Variants in BACE1 observed in about 807,000 individuals in gnomAD.
BACE1 encodes APP beta-secretase.
A neutral mutation model predicts 54.0 loss-of-function variants in BACE1; 21 were observed. The ratio of observed to expected loss-of-function variants is 0.39; its 90% CI spans 0.28 to 0.56. The LOEUF is 0.56. Ranked by LOEUF, BACE1 falls within the 20% of genes least tolerant of loss-of-function variation. The pLI is 0.63. For synonymous variants in BACE1, 232 were observed against 260.9 expected, an observed-to-expected ratio of 0.89 and a Z score of 1.07; for missense variants, 511 against 661.2, an observed-to-expected ratio of 0.77 and a Z score of 2.49.
rs967616225 is a variant in BACE1, at chr11:117,286,897, A to C, written c.*2669T>G. The C allele has an allele frequency of 1.3e-5, 2 of 152,662 alleles. No homozygotes were observed. Among genetic ancestry groups the C allele is most frequent in the Admixed American group, 1.3e-4 (2 of 15,278 alleles). 9.5% of individuals were successfully genotyped at this position (152,662 alleles called of 1,614,324 possible). A position where few individuals can be genotyped will look rare whatever the true frequency, so the allele number is the denominator to read the frequency against. ...TGAACAGGAAAGGTGGCAAAATGGA[A>C]GACCAGTTCTATTGTTCTTTTTGTT... is the stretch of plus-strand genomic sequence containing the variant. On this transcript the variant is annotated 3_prime_UTR_variant, in exon 9 of 9. Coordinates refer to ENST00000313005, the MANE Select transcript of BACE1 (RefSeq NM_012104.6).
intron 2 of BACE1, chr11:117,295,710 A>G: frequency 1.4e-6 from 2 of 1,474,674 alleles, no homozygotes; most frequent in South Asian, 2.7e-5. Context: ...AAGCTCCCCG[A>G]GAAAAGGAAC....
intron 1 of BACE1, among the ~76,000 whole-genome samples, chr11:117,298,422 G>A (rs575577611): frequency 2.8e-4 from 43 of 152,242 alleles, no homozygotes; most frequent in Admixed American, 8.5e-4. Context: ...TCTCTCTACC[G>A]TCACATCACC....
chr11:117,290,694 TC>T (rs2034400697), intron 7 of BACE1, 35 bp from the exon 8 acceptor site: 1 of 1,607,488 alleles, frequency 6.2e-7, no homozygotes, highest in Admixed American at 1.7e-5. Flanking sequence ...AGTGTCTTCC[TC>T]ACTCTCCTTC....
chr11:117,291,278 G>GTTT (rs61070756), intron 6 of BACE1, among the ~76,000 whole-genome samples: 2 of 141,576 alleles, frequency 1.4e-5, no homozygotes, highest in African/African-American at 2.6e-5. Flanking sequence ...AAGGGGAAGA[G>GTTT]TTTTTTTTTT....
chr11:117,290,078 C>G (rs1255820596), intron 8 of BACE1, among the ~76,000 whole-genome samples: 1 of 151,602 alleles, frequency 6.6e-6, no homozygotes, highest in Non-Finnish European at 1.5e-5. Context: ...CAAAAGCCAC[C>G]CCCTTGACCA....
At chr11:117,300,470 G>C (rs372461669) in intron 1 of BACE1, among the ~76,000 whole-genome samples, 12 of 152,180 alleles carry the variant, frequency 7.9e-5, no homozygotes, top group African/African-American at 2.2e-4. Flanking sequence ...GGATGGGGGG[G>C]GCTCTTAACA....
chr11:117,293,256 G>A lies in BACE1; in HGVS notation c.706-68C>T. On this transcript the variant is annotated intron_variant, in intron 4 of 8. Transcript: ENST00000313005. The surrounding 1 kb of genome is among the most constrained non-coding windows in gnomAD (Gnocchi z 4.1). ...GGAGAGTGAGTCCCCCAAGGACCAA[G>A]CAATAAGATCAGTGATTTCTTGGGG... is the stretch of plus-strand genomic sequence containing the variant. 1 of 1,545,208 alleles carries A rather than the reference G, an allele frequency of 6.5e-7. No homozygotes were observed. Among genetic ancestry groups the A allele is most frequent in the Non-Finnish European group, 8.8e-7 (1 of 1,139,834 alleles).
intron 1 of BACE1, chr11:117,299,528 C>T: frequency 3.4e-6 from 1 of 290,878 alleles, no homozygotes; most frequent in South Asian, 2.7e-5. Flanking sequence ...TCCTGGCCTC[C>T]TCACATCCCC....
At chr11:117,292,974 C>G in intron 5 of BACE1, 80 bp downstream of exon 5, 2 of 1,538,286 alleles carry the variant, frequency 1.3e-6, no homozygotes, top group Non-Finnish European at 1.8e-6. Flanking sequence ...CCTCATCCTC[C>G]CAACATGATA....
chr11:117,302,699 A>G (rs2034751390), intron 1 of BACE1, among the ~76,000 whole-genome samples: 1 of 152,210 alleles, frequency 6.6e-6, no homozygotes, highest in African/African-American at 2.4e-5. Flanking sequence ...CCTGGCCAAC[A>G]TGGTGAAACT....
chr11:117,293,078 C>G lies in BACE1; in HGVS notation c.816G>C (p.Gln272His), dbSNP rs140050693. The G allele has an allele frequency of 3.7e-6, 6 of 1,613,934 alleles. No individual in the cohort carries two copies. Among genetic ancestry groups the G allele is most frequent in the African/African-American group, 1.3e-5 (1 of 74,908 alleles). The change falls in exon 5 of 9, where the codon CAG (glutamine) becomes CAC (histidine). Residue 272 changes from glutamine to histidine, a missense_variant. Physicochemically the swap from Gln to His is conservative, Grantham distance 24. Transcript: ENST00000313005. This position sits in a 1 kb window ranked among gnomAD's most constrained non-coding sequence, Gnocchi z 4.1. Reference sequence around the variant, plus strand: ...CCTCCTTGCAGTCCATTTTCAGATCCTGTCCATTGATCTCCACCCGCACAA... The same window carrying G: ...CCTCCTTGCAGTCCATTTTCAGATCGTGTCCATTGATCTCCACCCGCACAA... ...VIIVRVEING[Q>H]DLKMDCKEYN...
At chr11:117,298,293 C>G (rs1449065569) in intron 1 of BACE1, among the ~76,000 whole-genome samples, 1 of 151,708 alleles carries the variant, frequency 6.6e-6, no homozygotes, top group African/African-American at 2.4e-5. Flanking sequence ...GAGCAACACT[C>G]CGTCTCAAAA....
chr11:117,310,485 A>G (rs2034921385), intron 1 of BACE1, among the ~76,000 whole-genome samples: 1 of 152,160 alleles, frequency 6.6e-6, no homozygotes, highest in African/African-American at 2.4e-5. Flanking sequence ...CAGTGGTGCA[A>G]TCTCAGCTCA....
rs1004858960 is a variant in BACE1, at chr11:117,296,831, C to T, written c.350+42G>A. On this transcript the variant is annotated intron_variant, in intron 2 of 8. Coordinates refer to ENST00000313005, the MANE Select transcript of BACE1 (RefSeq NM_012104.6). ...CCCCTGACCCTTCTTAGCCCTGGATCCTTGGAAAAGGTACTTCCCCCGGGC... is the reference window on the plus strand; with the variant it reads ...CCCCTGACCCTTCTTAGCCCTGGATTCTTGGAAAAGGTACTTCCCCCGGGC... The T allele has an allele frequency of 2.0e-6, 3 of 1,481,128 alleles. No homozygotes were observed. The Admixed American group carries it at 5.3e-5, about 26-fold the overall frequency. 91.7% of individuals were successfully genotyped at this position (1,481,128 alleles called of 1,614,324 possible). A position where few individuals can be genotyped will look rare whatever the true frequency, so the allele number is the denominator to read the frequency against.
chr11:117,310,687 C>T (rs1413764745), intron 1 of BACE1, among the ~76,000 whole-genome samples: 2 of 152,204 alleles, frequency 1.3e-5, no homozygotes, highest in African/African-American at 4.8e-5. Context: ...TCCCAAAGTG[C>T]TGGGATTACA....
rs376582641 is a variant in BACE1, at chr11:117,298,306, AAAAAG to A, written c.262-1350_262-1346del. ...GAGAGCAACACTCCGTCTCAAAAAA[AAAAAG>A]AAAAGAAAAGAAACGCTGTGTCTGC... is the stretch of plus-strand genomic sequence containing the variant. On this transcript the variant is annotated intron_variant, in intron 1 of 8. Coordinates refer to ENST00000313005, the MANE Select transcript of BACE1 (RefSeq NM_012104.6). 5.1e-3 allele frequency among the ~76,000 whole-genome samples: 773 copies of A among 152,236 alleles called. 5 individuals carry two copies. The highest frequency in any genetic ancestry group is 0.013 in the African/African-American group (527 of 41,536).
intron 1 of BACE1, among the ~76,000 whole-genome samples, chr11:117,305,657 G>A (rs972071541): frequency 1.3e-5 from 2 of 151,864 alleles, no homozygotes; most frequent in Non-Finnish European, 2.9e-5. Flanking sequence ...ACTAATATTT[G>A]CCAGTGCCTC....
chr11:117,303,312 T>A (rs907170376), intron 1 of BACE1, among the ~76,000 whole-genome samples: 5 of 152,098 alleles, frequency 3.3e-5, no homozygotes, highest in South Asian at 2.1e-4. Context: ...CAGAACTAGG[T>A]CAATGTCAAT....
intron 8 of BACE1, among the ~76,000 whole-genome samples, chr11:117,290,010 T>G (rs2034373782): frequency 6.6e-6 from 1 of 152,178 alleles, no homozygotes; most frequent in Non-Finnish European, 1.5e-5. Flanking sequence ...GCAGCAGCCC[T>G]TCCTTGTATA....
Sources: gnomAD v4.1 joint callset for allele counts (sites outside exome capture counted in the v4.1 genomes callset) on GRCh38, gnomAD v4.1.1 for gene constraint, Gnocchi (gnomAD v3.1) non-coding constraint, MANE v1.5 for transcripts, NCBI Gene and HGNC (gene_info 2026-07-23, HGNC 2026-07-21) for gene names.